Variants in WWOX observed in about 807,000 individuals in gnomAD.
WWOX encodes the protein WW domain containing oxidoreductase, also known as WW domain-containing oxidoreductase.
WWOX carries 69 observed loss-of-function variants against 46.2 expected under a neutral mutation model. The observed-to-expected ratio is 1.49, with a 90% confidence interval of 1.23 to 1.82. The LOEUF (loss-of-function observed/expected upper bound fraction) is 1.82, where lower values mean the gene tolerates loss of function less well. Ranked by LOEUF, WWOX falls within the 40% of genes most tolerant of loss-of-function variation. The probability of loss-of-function intolerance (pLI) is 0.00; values close to 1 mark genes in which losing one functional copy is unlikely to be tolerated. For synonymous variants in WWOX, 359 were observed against 202.6 expected (o/e 1.77, Z -6.56); for missense variants, 919 against 542.6 (o/e 1.69, Z -6.89).
intron 5 of WWOX, among the ~76,000 whole-genome samples, chr16:78,171,344 C>G (rs765968637): frequency 6.6e-6 from 1 of 152,154 alleles, no homozygotes; most frequent in African/African-American, 2.4e-5. Flanking sequence ...AATTCAGTGA[C>G]TTTATGAGCT....
chr16:79,159,439 C>T (rs1490042956), intron 8 of WWOX, among the ~76,000 whole-genome samples: 1 of 152,188 alleles, frequency 6.6e-6, no homozygotes, highest in Non-Finnish European at 1.5e-5. Flanking sequence ...GAAAGGGAAG[C>T]TCCTGGCATC....
intron 5 of WWOX, among the ~76,000 whole-genome samples, chr16:78,375,725 A>G (rs1489511591): frequency 6.6e-6 from 1 of 152,228 alleles, no homozygotes; most frequent in Non-Finnish European, 1.5e-5. Flanking sequence ...TCTTAAAGAA[A>G]AAAATTATAG....
chr16:78,973,175 G>C (rs933523110), intron 8 of WWOX, among the ~76,000 whole-genome samples: 9 of 152,160 alleles, frequency 5.9e-5, no homozygotes, highest in Non-Finnish European at 1.0e-4. Flanking sequence ...CTTTATGAAG[G>C]AGTGAAATCC....
chr16:78,986,382 C>T (rs1234967310), intron 8 of WWOX, among the ~76,000 whole-genome samples: 2 of 152,184 alleles, frequency 1.3e-5, no homozygotes, highest in Admixed American at 6.5e-5. Flanking sequence ...TCCCTGTGCT[C>T]CACGAAGAAC....
intron 8 of WWOX, among the ~76,000 whole-genome samples, chr16:78,869,629 G>C (rs560391852): frequency 6.6e-6 from 1 of 152,198 alleles, no homozygotes; most frequent in African/African-American, 2.4e-5. Flanking sequence ...GTGTCATGAT[G>C]GGTTACTGAT....
At chr16:78,700,080 A>T (rs1277565139) in intron 8 of WWOX, among the ~76,000 whole-genome samples, 1 of 151,838 alleles carries the variant, frequency 6.6e-6, no homozygotes. Context: ...TCAGTAAGAG[A>T]TACTGTCCTA....
chr16:78,379,691 A>T (rs1452195318), intron 5 of WWOX, among the ~76,000 whole-genome samples: 6 of 152,210 alleles, frequency 3.9e-5, no homozygotes, highest in African/African-American at 1.4e-4. Context: ...TGGGTTCACT[A>T]TGGCGAGAAA....
rs938501062 is a variant in WWOX, at chr16:78,514,233, C to T, written c.1056+81481C>T. Among the ~76,000 whole-genome samples, 23 of 152,294 alleles carry T rather than the reference C, an allele frequency of 1.5e-4. No homozygotes were observed. In the South Asian group the frequency reaches 4.4e-3, roughly 29 times the overall value. ...TTCTAAAAAGAGCAGATTTTAATAT[C>T]TTTCCTCCCACACTTGCTTTGACTC... On this transcript the variant is annotated intron_variant, in intron 8 of 8. Transcript: ENST00000566780.
chr16:78,975,281 T>C (rs1331676345), intron 8 of WWOX, among the ~76,000 whole-genome samples: 1 of 152,172 alleles, frequency 6.6e-6, no homozygotes, highest in Non-Finnish European at 1.5e-5. Context: ...AGAGACATTT[T>C]TGATTGTCAT....
Position 78,932,125 on chromosome 16 carries a change from A to G in WWOX, c.1057-279483A>G, listed in dbSNP as rs144018231. 5.4e-3 allele frequency among the ~76,000 whole-genome samples: 820 copies of G among 152,350 alleles called. 10 individuals are homozygous for G. The highest frequency in any genetic ancestry group is 0.019 in the African/African-American group (780 of 41,580). On this transcript the variant is annotated intron_variant, in intron 8 of 8. Transcript: ENST00000566780. ...TCTCAGGTATGTCTTTATTAGCAGC[A>G]TGAGAACAAACTAATACACCACTTG...
intron 8 of WWOX, among the ~76,000 whole-genome samples, chr16:79,065,335 C>T (rs1007851212): frequency 6.6e-6 from 1 of 152,160 alleles, no homozygotes; most frequent in African/African-American, 2.4e-5. Context: ...TTACCCAAAT[C>T]AGCCTCCCCG....
intron 3 of WWOX, 131 bp from the exon 4 acceptor site, chr16:78,114,845 A>T: frequency 8.8e-7 from 1 of 1,133,068 alleles, no homozygotes; most frequent in Non-Finnish European, 1.3e-6. Context: ...AGTGGGCCCC[A>T]GTTCTTTCAG....
chr16:78,106,411 G>GTTTTTT lies in WWOX; in HGVS notation c.108-2008_108-2003dup, dbSNP rs998219778. 2.7e-4 allele frequency among the ~76,000 whole-genome samples: 34 copies of GTTTTTT among 123,726 alleles called. 2 individuals carry two copies. Among genetic ancestry groups the GTTTTTT allele is most frequent in the Non-Finnish European group, 3.7e-4 (22 of 59,044 alleles). 81.2% of individuals were successfully genotyped at this position (123,726 alleles called of 152,430 possible). The stretch of plus-strand genomic sequence containing the variant: ...ACTAGAGAGCCAGAGAGTCAGAACG[G>GTTTTTT]TTTTTTTTTGTTTTTTTTTTTTTTT... On this transcript the variant is annotated intron_variant, in intron 1 of 8. Transcript: ENST00000566780.
chr16:78,935,767 G>A (rs1335491020), intron 8 of WWOX, among the ~76,000 whole-genome samples: 1 of 151,846 alleles, frequency 6.6e-6, no homozygotes, highest in Non-Finnish European at 1.5e-5. Context: ...AAAAAAATTA[G>A]CTGGGCGTGA....
chr16:78,860,343 C>T (rs80273858), intron 8 of WWOX, among the ~76,000 whole-genome samples: 3 of 152,280 alleles, frequency 2.0e-5, no homozygotes, highest in East Asian at 1.9e-4. Flanking sequence ...CCACACTTGG[C>T]CCCCTTTGGA....
intron 8 of WWOX, among the ~76,000 whole-genome samples, chr16:79,187,812 G>A (rs1467749984): frequency 6.6e-6 from 1 of 152,242 alleles, no homozygotes; most frequent in Non-Finnish European, 1.5e-5. Flanking sequence ...ACATTGCTGG[G>A]ATTACAGGCG....
At chr16:78,254,502 G>GTTTTTGTT in intron 5 of WWOX, among the ~76,000 whole-genome samples, 1 of 91,650 alleles carries the variant, frequency 1.1e-5, no homozygotes, top group South Asian at 4.6e-4. Flanking sequence ...TTTCTTTCTT[G>GTTTTTGTT]TTTTTTTTTT....
chr16:78,323,738 T>C (rs554863822), intron 5 of WWOX, among the ~76,000 whole-genome samples: 1 of 152,322 alleles, frequency 6.6e-6, no homozygotes, highest in African/African-American at 2.4e-5. Context: ...AAATGTTCTT[T>C]GATAAATAAG....
At position 78,261,278 on chromosome 16, in the gene WWOX, GATAGATAC is replaced by G. The variant is rs1280462773; in HGVS notation, c.516+96993_516+97000del. Among the ~76,000 whole-genome samples, 231 of 143,526 alleles carry G rather than the reference GATAGATAC, an allele frequency of 1.6e-3. 6 individuals carry two copies. Among genetic ancestry groups the G allele is most frequent in the African/African-American group, 5.9e-3 (216 of 36,894 alleles). 94.2% of individuals were successfully genotyped at this position (143,526 alleles called of 152,430 possible). A position where few individuals can be genotyped will look rare whatever the true frequency, so the allele number is the denominator to read the frequency against. On this transcript the variant is annotated intron_variant, in intron 5 of 8. Coordinates refer to ENST00000566780, the MANE Select transcript of WWOX (RefSeq NM_016373.4). ...GTGTGGTAAGGTAGATAGATAGATA[GATAGATAC>G]ATACATACATACATACATACATACA...
Sources: allele counts gnomAD v4.1 joint callset (sites outside exome capture counted in the v4.1 genomes callset), GRCh38; gene constraint gnomAD v4.1.1; transcripts MANE v1.5; gene names NCBI Gene and HGNC (gene_info 2026-07-23, HGNC 2026-07-21).